The following CAMK1D variants were observed in gnomAD, a reference collection of about 807,000 sequenced individuals.
CAMK1D encodes the protein calcium/calmodulin-dependent protein kinase type 1D.
In CAMK1D, 9 loss-of-function variants were observed where a neutral mutation model predicts 47.7. The ratio of observed to expected loss-of-function variants is 0.19; its 90% CI spans 0.11 to 0.33. The LOEUF (loss-of-function observed/expected upper bound fraction) is 0.33. CAMK1D is among the 10% of genes least tolerant of loss of function. The probability of loss-of-function intolerance (pLI) is 1.00; values close to 1 mark genes in which losing one functional copy is unlikely to be tolerated. For missense variants in CAMK1D, 291 were observed against 488.7 expected, an observed-to-expected ratio of 0.60 and a Z score of 3.81; for synonymous variants, 184 against 184.9, an observed-to-expected ratio of 0.99 and a Z score of 0.04.
Position 12,380,646 on chromosome 10 carries a change from A to AG in CAMK1D, c.92+30737dup, listed in dbSNP as rs370660106. ...GCCAAGGCGGGCGGATCACGAGGTC[A>AG]GAGATCGAGACCATCCTGGCTAACA... On this transcript the variant is annotated intron_variant, in intron 1 of 10. Coordinates refer to ENST00000619168, the MANE Select transcript of CAMK1D (RefSeq NM_153498.4). 5.6e-3 allele frequency among the ~76,000 whole-genome samples: 855 copies of AG among 152,154 alleles called. 15 individuals are homozygous for AG. Among genetic ancestry groups the AG allele is most frequent in the African/African-American group, 0.018 (746 of 41,542 alleles).
At chr10:12,446,869 CCTTT>C (rs1832939806) in intron 1 of CAMK1D, among the ~76,000 whole-genome samples, 1 of 152,130 alleles carries the variant, frequency 6.6e-6, no homozygotes, top group South Asian at 2.1e-4. Flanking sequence ...ATGTTGACTT[CCTTT>C]GAGAATTCTT....
intron 2 of CAMK1D, among the ~76,000 whole-genome samples, chr10:12,615,866 G>GCA (rs1838784279): frequency 3.1e-5 from 1 of 32,494 alleles, no homozygotes; most frequent in Admixed American, 5.4e-4. Flanking sequence ...GTGTATGCAT[G>GCA]TATGTGTATA....
intron 3 of CAMK1D, among the ~76,000 whole-genome samples, chr10:12,710,520 A>G (rs1317407742): frequency 2.0e-5 from 3 of 152,234 alleles, no homozygotes; most frequent in Non-Finnish European, 4.4e-5. Context: ...TTGTACGTCA[A>G]AGTTTTTAGC....
At chr10:12,698,874 T>C (rs935504519) in intron 3 of CAMK1D, among the ~76,000 whole-genome samples, 4 of 151,992 alleles carry the variant, frequency 2.6e-5, no homozygotes, top group African/African-American at 9.7e-5. Flanking sequence ...GGTTTCACCA[T>C]GTTGGCCAGG....
chr10:12,553,462 C>G, intron 2 of CAMK1D, 106 bp downstream of exon 2: 1 of 852,852 alleles, frequency 1.2e-6, no homozygotes, highest in Non-Finnish European at 1.9e-6. Flanking sequence ...GAGGGGCCCC[C>G]AGAGGACCCA....
chr10:12,797,356 C>T (rs1009517214), intron 6 of CAMK1D, among the ~76,000 whole-genome samples: 1 of 152,032 alleles, frequency 6.6e-6, no homozygotes, highest in Non-Finnish European at 1.5e-5. Context: ...TGCCACTATG[C>T]CCAGCTAATT....
intron 6 of CAMK1D, among the ~76,000 whole-genome samples, chr10:12,808,123 T>C (rs1838820633): frequency 6.6e-6 from 1 of 152,224 alleles, no homozygotes; most frequent in Non-Finnish European, 1.5e-5. Context: ...GCAGCCCACC[T>C]GTTTCTCCCG....
At chr10:12,424,539 C>T (rs1027471074) in intron 1 of CAMK1D, among the ~76,000 whole-genome samples, 11 of 152,312 alleles carry the variant, frequency 7.2e-5, no homozygotes, top group African/African-American at 1.9e-4. Flanking sequence ...TCTCCAGCAG[C>T]GCCTTTGCTG....
In CAMK1D at chr10:12,832,166, G is replaced by A. The variant is rs1833429118; in HGVS notation, c.*3279G>A. On this transcript the variant is annotated 3_prime_UTR_variant, in exon 11 of 11. Coordinates refer to ENST00000619168, the MANE Select transcript of CAMK1D (RefSeq NM_153498.4). ...GCCTGGAGTGGCCTTTCCCTCAGCT[G>A]CCTGTCTGGGCTCCCTGGCTTCCCG... The A allele has an allele frequency of 6.6e-6, 1 of 152,504 alleles. No homozygotes were observed. The highest frequency in any genetic ancestry group is 1.5e-5 in the Non-Finnish European group (1 of 68,290). The allele number at this position is 152,504 out of a possible 1,614,324, so 9.4% of individuals were successfully genotyped here. A position where few individuals can be genotyped will look rare whatever the true frequency, so the allele number is the denominator to read the frequency against.
At chr10:12,404,840 C>T (rs1839359649) in intron 1 of CAMK1D, among the ~76,000 whole-genome samples, 1 of 151,866 alleles carries the variant, frequency 6.6e-6, no homozygotes, top group Non-Finnish European at 1.5e-5. Flanking sequence ...AAGCATGCGC[C>T]ACCACACCTG....
rs1431374208 is a variant in CAMK1D at position 12,824,671 on chromosome 10, G to T, written c.921+119G>T. ...CTGAATAATTTTGCTAATTTTAACTGCAAGTAATAAAGACTCAGAGGGAAT... is the reference window on the plus strand; with the variant it reads ...CTGAATAATTTTGCTAATTTTAACTTCAAGTAATAAAGACTCAGAGGGAAT... On this transcript the variant is annotated intron_variant, in intron 9 of 10. Transcript: ENST00000619168. The T allele has an allele frequency of 1.3e-5, 10 of 748,718 alleles. No homozygotes were observed. In the Admixed American group the frequency reaches 2.1e-4, roughly 16 times the overall value. 46.4% of individuals were successfully genotyped at this position (748,718 alleles called of 1,614,324 possible).
chr10:12,368,927 C>T (rs1213245312), intron 1 of CAMK1D, among the ~76,000 whole-genome samples: 1 of 152,252 alleles, frequency 6.6e-6, no homozygotes, highest in East Asian at 1.9e-4. Context: ...AAGCGATTCT[C>T]CTGCCTCAGG....
At chr10:12,666,879 G>A (rs1045263353) in intron 3 of CAMK1D, 69 bp downstream of exon 3, 6 of 1,283,936 alleles carry the variant, frequency 4.7e-6, no homozygotes, top group African/African-American at 4.4e-5. Context: ...GGGATCAGGT[G>A]GGAAAAGAAG....
At chr10:12,581,645 T>C (rs1837668123) in intron 2 of CAMK1D, among the ~76,000 whole-genome samples, 1 of 152,194 alleles carries the variant, frequency 6.6e-6, no homozygotes, top group Non-Finnish European at 1.5e-5. Flanking sequence ...ATTAATGATA[T>C]TGAACATTTT....
chr10:12,750,627 A>G (rs1178500926), intron 3 of CAMK1D, among the ~76,000 whole-genome samples: 3 of 152,048 alleles, frequency 2.0e-5, no homozygotes, highest in African/African-American at 4.8e-5. Flanking sequence ...CAAGGGTACA[A>G]CATGCAAACC....
chr10:12,408,351 A>G (rs1254640991), intron 1 of CAMK1D, among the ~76,000 whole-genome samples: 1 of 147,932 alleles, frequency 6.8e-6, no homozygotes, highest in Non-Finnish European at 1.5e-5. Context: ...TTTTTAGTAG[A>G]GATGGGGTTT....
At position 12,522,936 on chromosome 10, in the gene CAMK1D, C is replaced by G. The variant is rs1360418055; in HGVS notation, c.93-30289C>G. Among the ~76,000 whole-genome samples the G allele has an allele frequency of 1.1e-4, 11 of 102,100 alleles. 3 individuals carry two copies. Among genetic ancestry groups the G allele is most frequent in the Admixed American group, 9.9e-4 (11 of 11,120 alleles). The allele number at this position is 102,100 out of a possible 152,430, so 67.0% of individuals were successfully genotyped here. ...GCGGGGGCTGACCCCCCACCTGCCT[C>G]CCAGACGGGGCGGCTGGCCTGGTGG... On this transcript the variant is annotated intron_variant, in intron 1 of 10. Coordinates refer to ENST00000619168, the MANE Select transcript of CAMK1D (RefSeq NM_153498.4).
chr10:12,504,313 G>C (rs1030381815), intron 1 of CAMK1D, among the ~76,000 whole-genome samples: 2 of 151,964 alleles, frequency 1.3e-5, no homozygotes, highest in African/African-American at 4.8e-5. Flanking sequence ...CAAGTCCGGA[G>C]GCCGGAGAAC....
At chr10:12,794,829 G>A (rs887329341) in intron 6 of CAMK1D, among the ~76,000 whole-genome samples, 2 of 152,126 alleles carry the variant, frequency 1.3e-5, no homozygotes, top group East Asian at 1.9e-4. Flanking sequence ...CAAATCCTGG[G>A]TATGATTGAC....
Sources: allele counts gnomAD v4.1 joint callset (sites outside exome capture counted in the v4.1 genomes callset), GRCh38; gene constraint gnomAD v4.1.1; transcripts MANE v1.5; gene names NCBI Gene and HGNC (gene_info 2026-07-23, HGNC 2026-07-21).